CLPTM1: variants seen among roughly 807,000 people sequenced by gnomAD.
CLPTM1 encodes putative lipid scramblase CLPTM1.
CLPTM1 carries 21 observed loss-of-function variants against 77.3 expected under a neutral mutation model. The observed-to-expected ratio is 0.27, with a 90% CI of 0.19 to 0.39. The LOEUF (loss-of-function observed/expected upper bound fraction) is 0.39. Among genes scored for constraint, CLPTM1 ranks in the 10% least tolerant of loss-of-function variants. The pLI, the probability that CLPTM1 is intolerant of heterozygous loss-of-function variation, is 1.00. For missense variants in CLPTM1, 642 were observed against 921.2 expected, an observed-to-expected ratio of 0.70 and a Z score of 3.92; for synonymous variants, 373 against 381.0, an observed-to-expected ratio of 0.98 and a Z score of 0.24.
rs1452625257 is a variant in CLPTM1, at chr19:44,991,059, A to T, written c.1419+114A>T. 3 of 1,294,662 alleles carry T rather than the reference A, an allele frequency of 2.3e-6. No homozygotes were observed. The East Asian group carries it at 7.3e-5, about 32-fold the overall frequency. 80.2% of individuals were successfully genotyped at this position (1,294,662 alleles called of 1,614,324 possible). A position where few individuals can be genotyped will look rare whatever the true frequency, so the allele number is the denominator to read the frequency against. On this transcript the variant is annotated intron_variant, in intron 11 of 13. Transcript: ENST00000337392. This position sits in a 1 kb window ranked among gnomAD's most constrained non-coding sequence, Gnocchi z 5.4. Reference sequence around the variant, plus strand: ...ACCCATGCTTTACAGCCTGTGCCACATCCTCTGTGTCCCCCATCTGCCATA... The same window carrying T: ...ACCCATGCTTTACAGCCTGTGCCACTTCCTCTGTGTCCCCCATCTGCCATA...
intron 2 of CLPTM1, among the ~76,000 whole-genome samples, chr19:44,965,661 A>C (rs1218517064): frequency 6.6e-6 from 1 of 151,790 alleles, no homozygotes. Context: ...AAAATACAAA[A>C]AAATTAGCCA....
chr19:44,969,441 T>C (rs900937482), intron 2 of CLPTM1, among the ~76,000 whole-genome samples: 8 of 152,190 alleles, frequency 5.3e-5, no homozygotes, highest in Admixed American at 5.2e-4. Context: ...TGCATGCAGC[T>C]GAGAAACCTC....
Position 44,991,497 on chromosome 19 carries a change from G to C in CLPTM1, c.1555+124G>C. The C allele has an allele frequency of 8.1e-7, 1 of 1,238,224 alleles. No homozygotes were observed. The allele number at this position is 1,238,224 out of a possible 1,614,324, so 76.7% of individuals were successfully genotyped here. ...CTAGGGTGGGCAGAGCTGGGATATA[G>C]GGAGGCCCGAGGGCACACATGGCCC... On this transcript the variant is annotated intron_variant, in intron 12 of 13. Coordinates refer to ENST00000337392, the MANE Select transcript of CLPTM1 (RefSeq NM_001294.4). This position sits in a 1 kb window ranked among gnomAD's most constrained non-coding sequence, Gnocchi z 5.4.
Position 44,992,515 on chromosome 19 carries a change from G to C in CLPTM1, c.1724-96G>C. The stretch of plus-strand genomic sequence containing the variant: ...CAGATGGGGTGCTCAGTCTGAGGGG[G>C]CTCGGCCCCGCCCTTGCATCACGCC... On this transcript the variant is annotated intron_variant, in intron 13 of 13. Transcript: ENST00000337392. The surrounding 1 kb of genome is among the most constrained non-coding windows in gnomAD (Gnocchi z 7.7). 6.3e-7 allele frequency: 1 copy of C among 1,588,552 alleles called. No individual in the cohort carries two copies. Among genetic ancestry groups the C allele is most frequent in the Non-Finnish European group, 8.6e-7 (1 of 1,162,812 alleles).
chr19:44,961,350 G>T (rs1026732510), intron 1 of CLPTM1, among the ~76,000 whole-genome samples: 4 of 152,190 alleles, frequency 2.6e-5, no homozygotes, highest in African/African-American at 9.7e-5. Context: ...GGAATGGTTT[G>T]CCCAGGGAAG....
At chr19:44,960,945 G>T (rs1422155994) in intron 1 of CLPTM1, among the ~76,000 whole-genome samples, 1 of 152,154 alleles carries the variant, frequency 6.6e-6, no homozygotes, top group Non-Finnish European at 1.5e-5. Context: ...GAGCTAGCAG[G>T]GTGCGTGAAG....
At chr19:44,975,244 C>T (rs1297468628) in intron 4 of CLPTM1, among the ~76,000 whole-genome samples, 2 of 152,252 alleles carry the variant, frequency 1.3e-5, no homozygotes, top group Non-Finnish European at 2.9e-5. Flanking sequence ...TGGGCTTCCC[C>T]ATCCCAGCCC....
intron 2 of CLPTM1, among the ~76,000 whole-genome samples, chr19:44,966,519 T>C (rs1361955043): frequency 6.6e-6 from 1 of 152,114 alleles, no homozygotes; most frequent in Non-Finnish European, 1.5e-5. Flanking sequence ...TTGTTTAAAA[T>C]AGAGAAAAGT....
At chr19:44,964,366 A>G (rs1177936583) in intron 2 of CLPTM1, among the ~76,000 whole-genome samples, 1 of 116,954 alleles carries the variant, frequency 8.6e-6, no homozygotes, top group Non-Finnish European at 1.6e-5. Context: ...GCTGGAGTGC[A>G]GTAGTGCAAT....
In CLPTM1 at chr19:44,990,909, C is replaced by T; in HGVS notation, c.1383C>T (p.Ser461=). 1 of 1,613,888 alleles carries T rather than the reference C, an allele frequency of 6.2e-7. No individual in the cohort carries two copies. The highest frequency in any genetic ancestry group is 8.5e-7 in the Non-Finnish European group (1 of 1,179,850). The part of the protein sequence containing the change: ...IFPRLSFKDK[S]TYIESSTKVY... ...CCCGCCTATCCTTCAAGGACAAGTC[C>T]ACGTATATCGAGTCCTCGACCAAAG... Residue 461 remains serine, a synonymous_variant, in exon 11 of 14, where the codon TCC becomes TCT. Transcript: ENST00000337392. This position sits in a 1 kb window ranked among gnomAD's most constrained non-coding sequence, Gnocchi z 4.8.
At chr19:44,969,231 C>T (rs916430997) in intron 2 of CLPTM1, among the ~76,000 whole-genome samples, 1 of 152,038 alleles carries the variant, frequency 6.6e-6, no homozygotes, top group African/African-American at 2.4e-5. Context: ...GTGTTTAATG[C>T]TTATAAACTA....
intron 5 of CLPTM1, among the ~76,000 whole-genome samples, chr19:44,983,834 C>T (rs1173800300): frequency 6.6e-6 from 1 of 151,854 alleles, no homozygotes; most frequent in Non-Finnish European, 1.5e-5. Context: ...TGGTGGCACA[C>T]GCCTGTAATC....
At chr19:44,956,320 A>C (rs1357050364) in intron 1 of CLPTM1, among the ~76,000 whole-genome samples, 1 of 152,082 alleles carries the variant, frequency 6.6e-6, no homozygotes, top group Non-Finnish European at 1.5e-5. Flanking sequence ...TTAGGCCTTT[A>C]TCTCTCCCGT....
At position 44,990,850 on chromosome 19, in the gene CLPTM1, C is replaced by G; in HGVS notation, c.1324C>G (p.Leu442Val). Residue 442 changes from leucine to valine, a missense_variant and splice_region_variant, in exon 11 of 14, where the codon CTG becomes GTG. Physicochemically the swap from Leu to Val is conservative, Grantham distance 32. Around this residue, in one of 2 missense-constraint regions of CLPTM1, gnomAD observed 521 missense variants for 800.4 expected, o/e 0.65. Transcript: ENST00000337392. This position sits in a 1 kb window ranked among gnomAD's most constrained non-coding sequence, Gnocchi z 4.8. ...WKITKVMDVR[L>V]DREHRVAGIF... ...ACCATGGCACCCACCTCATCCACAG[C>G]TGGACCGAGAGCACAGGGTGGCAGG... 1 of 1,613,102 alleles carries G rather than the reference C, an allele frequency of 6.2e-7. No individual in the cohort carries two copies.
At chr19:44,961,797 A>G (rs896667427) in intron 1 of CLPTM1, among the ~76,000 whole-genome samples, 166 bp from the exon 2 acceptor site, 1 of 152,196 alleles carries the variant, frequency 6.6e-6, no homozygotes, top group Non-Finnish European at 1.5e-5. Context: ...TTTTCCTCCT[A>G]AAAGAAGAGG....
chr19:44,966,305 G>A (rs971244397), intron 2 of CLPTM1, among the ~76,000 whole-genome samples: 2 of 152,100 alleles, frequency 1.3e-5, no homozygotes, highest in Non-Finnish European at 2.9e-5. Context: ...CAGCTACTCG[G>A]GAGGCTGAGG....
intron 3 of CLPTM1, 123 bp from the exon 4 acceptor site, chr19:44,974,316 C>A (rs935522162): frequency 6.9e-5 from 62 of 904,598 alleles, no homozygotes; most frequent in Non-Finnish European, 8.8e-5. Context: ...TTCCTCTCTC[C>A]TCTCCCCTGT....
At chr19:44,982,891 G>A (rs57270598) in intron 5 of CLPTM1, among the ~76,000 whole-genome samples, 14,568 of 152,022 alleles carry the variant, frequency 0.096, 1,162 homozygotes, top group African/African-American at 0.22. Context: ...GTTAAACTCC[G>A]TCTCTACTAA....
chr19:44,972,032 A>C (rs745320309), intron 2 of CLPTM1, among the ~76,000 whole-genome samples: 12 of 151,260 alleles, frequency 7.9e-5, no homozygotes, highest in African/African-American at 1.2e-4. Flanking sequence ...CACCAGGCCC[A>C]GTTAATTTTT....
Sources: gnomAD v4.1 joint callset for allele counts (sites outside exome capture counted in the v4.1 genomes callset) on GRCh38, gnomAD v4.1.1 for gene constraint, gnomAD v4.1.1 regional missense constraint, Gnocchi (gnomAD v3.1) non-coding constraint, MANE v1.5 for transcripts, NCBI Gene and HGNC (gene_info 2026-07-23, HGNC 2026-07-21) for gene names.